SGCZ: variants seen among roughly 807,000 people sequenced by gnomAD.
SGCZ encodes zeta-sarcoglycan.
A neutral mutation model predicts 41.3 loss-of-function variants in SGCZ; 40 were observed. The observed-to-expected ratio is 0.97, with a 90% CI of 0.75 to 1.26. The LOEUF (loss-of-function observed/expected upper bound fraction) is 1.26. SGCZ is among the 50% of genes most tolerant of loss of function. The probability of loss-of-function intolerance (pLI) is 0.00; values close to 1 mark genes in which losing one functional copy is unlikely to be tolerated. For synonymous variants in SGCZ, 206 were observed against 137.5 expected (o/e 1.50, Z -3.49); for missense variants, 552 against 369.8 (o/e 1.49, Z -4.04).
intron 1 of SGCZ, among the ~76,000 whole-genome samples, chr8:15,045,317 G>T (rs1390258968): frequency 6.6e-6 from 1 of 152,004 alleles, no homozygotes; most frequent in African/African-American, 2.4e-5. Context: ...TTAAATGATA[G>T]GTGGATTCAG....
At chr8:14,273,154 C>T (rs1170752414) in intron 3 of SGCZ, among the ~76,000 whole-genome samples, 1 of 151,342 alleles carries the variant, frequency 6.6e-6, no homozygotes, top group African/African-American at 2.4e-5. Context: ...TTCATTAAGG[C>T]CTTTATTTTA....
chr8:14,970,616 T>A (rs1451870805), intron 1 of SGCZ, among the ~76,000 whole-genome samples: 1 of 152,182 alleles, frequency 6.6e-6, no homozygotes, highest in African/African-American at 2.4e-5. Flanking sequence ...TGTTCACATA[T>A]GTGTGCACCT....
intron 2 of SGCZ, among the ~76,000 whole-genome samples, chr8:14,488,492 T>C (rs1473556495): frequency 6.6e-6 from 1 of 152,066 alleles, no homozygotes; most frequent in Admixed American, 6.6e-5. Context: ...AAAGTTGCAA[T>C]TGCCCCTTTG....
intron 2 of SGCZ, among the ~76,000 whole-genome samples, chr8:14,484,249 T>C (rs1801612505): frequency 6.6e-6 from 1 of 152,170 alleles, no homozygotes. Flanking sequence ...ATTTCTATCA[T>C]AGTTTGCTAT....
chr8:15,189,551 A>G (rs1800463777), intron 1 of SGCZ, among the ~76,000 whole-genome samples: 1 of 145,852 alleles, frequency 6.9e-6, no homozygotes, highest in Non-Finnish European at 1.5e-5. Flanking sequence ...AAAATACTTC[A>G]TGAGGACCTT....
chr8:15,225,169 T>C (rs1801727545), intron 1 of SGCZ, among the ~76,000 whole-genome samples: 2 of 152,174 alleles, frequency 1.3e-5, no homozygotes, highest in South Asian at 4.1e-4. Flanking sequence ...TATGTACAAA[T>C]ATTTACTTTA....
intron 1 of SGCZ, among the ~76,000 whole-genome samples, chr8:14,655,666 A>G (rs1403145371): frequency 6.6e-6 from 1 of 152,158 alleles, no homozygotes; most frequent in Non-Finnish European, 1.5e-5. Flanking sequence ...TAAAACTATT[A>G]TGCAATAAAA....
At chr8:14,799,331 G>A (rs1409796740) in intron 1 of SGCZ, among the ~76,000 whole-genome samples, 3 of 152,078 alleles carry the variant, frequency 2.0e-5, no homozygotes, top group African/African-American at 7.2e-5. Flanking sequence ...GATGCATTTT[G>A]TAAAAATCAA....
At chr8:14,172,822 C>G (rs1157552386) in intron 4 of SGCZ, among the ~76,000 whole-genome samples, 1 of 152,074 alleles carries the variant, frequency 6.6e-6, no homozygotes, top group African/African-American at 2.4e-5. Flanking sequence ...GCTTACAAGG[C>G]TCTCCAGAAA....
intron 1 of SGCZ, among the ~76,000 whole-genome samples, chr8:15,077,065 A>G (rs970138849): frequency 1.3e-5 from 2 of 152,206 alleles, no homozygotes; most frequent in Non-Finnish European, 2.9e-5. Flanking sequence ...GAAATGTTAG[A>G]TGACTTGTTT....
chr8:14,502,978 A>G (rs1332353511), intron 2 of SGCZ, among the ~76,000 whole-genome samples: 11 of 152,202 alleles, frequency 7.2e-5, no homozygotes, highest in Non-Finnish European at 8.8e-5. Context: ...TCATTCTACT[A>G]TAAAGACACA....
chr8:14,713,331 T>C (rs1809582338), intron 1 of SGCZ, among the ~76,000 whole-genome samples: 1 of 152,210 alleles, frequency 6.6e-6, no homozygotes. Context: ...TAAAGTACAA[T>C]GTTACAGTGT....
intron 1 of SGCZ, among the ~76,000 whole-genome samples, chr8:14,691,200 C>T (rs542734847): frequency 5.3e-5 from 8 of 152,174 alleles, no homozygotes; most frequent in Admixed American, 3.3e-4. Flanking sequence ...AACAATACTT[C>T]GATAAGGCAC....
chr8:14,938,869 C>A (rs2130817017), intron 1 of SGCZ, among the ~76,000 whole-genome samples: 1 of 151,638 alleles, frequency 6.6e-6, no homozygotes, highest in East Asian at 1.9e-4. Context: ...CCATTTTTTT[C>A]CAAGTATTTT....
intron 1 of SGCZ, among the ~76,000 whole-genome samples, chr8:14,715,579 C>T (rs1809662816): frequency 6.6e-6 from 1 of 151,444 alleles, no homozygotes; most frequent in African/African-American, 2.4e-5. Flanking sequence ...CACATAAAAA[C>T]AGGATTCTGT....
chr8:14,818,756 G>A (rs962501361), intron 1 of SGCZ, among the ~76,000 whole-genome samples: 1 of 151,968 alleles, frequency 6.6e-6, no homozygotes, highest in African/African-American at 2.4e-5. Context: ...ATATCTTAGA[G>A]TTGAAGAATT....
intron 2 of SGCZ, among the ~76,000 whole-genome samples, chr8:14,358,173 C>G (rs1261981663): frequency 1.3e-5 from 2 of 152,126 alleles, no homozygotes; most frequent in African/African-American, 4.8e-5. Flanking sequence ...ATGACAGTGC[C>G]TGCCGTGGGC....
chr8:14,662,018 G>T (rs1035271383), intron 1 of SGCZ, among the ~76,000 whole-genome samples: 1 of 152,012 alleles, frequency 6.6e-6, no homozygotes, highest in Non-Finnish European at 1.5e-5. Flanking sequence ...CAAAAGATTT[G>T]CTAAAATTAA....
intron 2 of SGCZ, among the ~76,000 whole-genome samples, chr8:14,478,421 A>C (rs578176534): frequency 1.3e-5 from 2 of 152,372 alleles, no homozygotes; most frequent in South Asian, 4.1e-4. Context: ...AACAGTATGA[A>C]GCCAATCAGA....
Sources: allele counts gnomAD v4.1 joint callset (sites outside exome capture counted in the v4.1 genomes callset), GRCh38; gene constraint gnomAD v4.1.1; transcripts MANE v1.5; gene names NCBI Gene and HGNC (gene_info 2026-07-23, HGNC 2026-07-21).